Variants in ADGRL2 observed in about 807,000 individuals in gnomAD.
ADGRL2 encodes the protein calcium-independent alpha-latrotoxin receptor 2.
Under a neutral mutation model 157.4 loss-of-function variants are expected in ADGRL2, and 44 were observed. The ratio of observed to expected loss-of-function variants is 0.28; its 90% CI spans 0.22 to 0.36. The LOEUF (loss-of-function observed/expected upper bound fraction) is 0.36. ADGRL2 is among the 10% of genes least tolerant of loss of function. ADGRL2 has a pLI of 1.00. For synonymous variants in ADGRL2, 585 were observed against 624.7 expected (o/e 0.94, Z 0.95); for missense variants, 1,510 against 1,768.9 (o/e 0.85, Z 2.63).
chr1:81,687,873 G>C (rs370749728), intron 3 of ADGRL2, among the ~76,000 whole-genome samples: 5 of 152,090 alleles, frequency 3.3e-5, no homozygotes, highest in African/African-American at 1.2e-4. Context: ...TGGTAATGGC[G>C]AATTCTCTCA....
rs181827209 is a variant in ADGRL2, at chr1:81,840,448, C to T, written c.73+3391C>T. ...TTACATCGGTACATAATGAGACATA[C>T]ATTTCCAAATTCATAAGGACTTACT... On this transcript the variant is annotated intron_variant, in intron 2 of 23. Transcript: ENST00000686636. Among the ~76,000 whole-genome samples the T allele has an allele frequency of 1.6e-3, 241 of 152,108 alleles. 2 individuals carry two copies. The highest frequency in any genetic ancestry group is 2.4e-3 in the Non-Finnish European group (163 of 68,002).
At chr1:81,581,874 GCACACACACA>G (rs869309464) in intron 3 of ADGRL2, among the ~76,000 whole-genome samples, 80 of 83,556 alleles carry the variant, frequency 9.6e-4, no homozygotes, top group African/African-American at 1.5e-3. Flanking sequence ...ACACATGCGC[GCACACACACA>G]CACACACACA....
At chr1:81,960,653 T>C (rs1655053628) in intron 11 of ADGRL2, among the ~76,000 whole-genome samples, 1 of 152,056 alleles carries the variant, frequency 6.6e-6, no homozygotes. Context: ...TTTTGTATTT[T>C]TAGTAGAGAC....
chr1:81,394,288 T>C (rs529228842), intron 1 of ADGRL2, among the ~76,000 whole-genome samples: 104 of 152,282 alleles, frequency 6.8e-4, no homozygotes, highest in Non-Finnish European at 1.3e-3. Context: ...TATATGGTAC[T>C]ATAGAACACT....
chr1:81,891,982 G>GTGTA (rs926139405), intron 2 of ADGRL2, among the ~76,000 whole-genome samples: 6 of 150,476 alleles, frequency 4.0e-5, no homozygotes, highest in African/African-American at 1.2e-4. Context: ...GTGTGTGTGT[G>GTGTA]TATGTGTGTG....
chr1:81,583,325 C>A (rs2080955858), intron 3 of ADGRL2, among the ~76,000 whole-genome samples: 1 of 151,980 alleles, frequency 6.6e-6, no homozygotes, highest in Non-Finnish European at 1.5e-5. Context: ...GGTGGTAGTT[C>A]ATTTAATATA....
intron 6 of ADGRL2, among the ~76,000 whole-genome samples, chr1:81,944,915 T>C (rs1355468241): frequency 6.6e-6 from 1 of 152,058 alleles, no homozygotes; most frequent in Non-Finnish European, 1.5e-5. Flanking sequence ...TCACAGCTCT[T>C]TGTCATGGAA....
intron 2 of ADGRL2, among the ~76,000 whole-genome samples, chr1:81,867,365 CG>C (rs2093571006): frequency 6.6e-6 from 1 of 152,160 alleles, no homozygotes; most frequent in Non-Finnish European, 1.5e-5. Flanking sequence ...TCTATAAAAA[CG>C]AACCAAACTT....
chr1:81,445,530 G>A (rs1015951838), intron 2 of ADGRL2, among the ~76,000 whole-genome samples: 1 of 152,182 alleles, frequency 6.6e-6, no homozygotes, highest in Admixed American at 6.5e-5. Context: ...CTGTGGTGGT[G>A]TTAGATGAGG....
At chr1:81,623,698 G>A (rs751132674) in intron 3 of ADGRL2, among the ~76,000 whole-genome samples, 4 of 148,306 alleles carry the variant, frequency 2.7e-5, no homozygotes, top group African/African-American at 7.5e-5. Flanking sequence ...GTGCAGTGGC[G>A]TGATCTCGGC....
At chr1:81,446,970 G>A (rs1003997561) in intron 2 of ADGRL2, among the ~76,000 whole-genome samples, 1 of 152,060 alleles carries the variant, frequency 6.6e-6, no homozygotes, top group East Asian at 1.9e-4. Context: ...TATCTGCTGA[G>A]CTACTTAAAA....
chr1:81,646,280 G>C (rs1023334927), intron 3 of ADGRL2, among the ~76,000 whole-genome samples: 3 of 152,148 alleles, frequency 2.0e-5, no homozygotes, highest in South Asian at 2.1e-4. Context: ...CAGAATAAGA[G>C]AGTGTACCAG....
intron 3 of ADGRL2, among the ~76,000 whole-genome samples, chr1:81,633,447 T>C (rs1280121385): frequency 2.0e-5 from 3 of 151,284 alleles, no homozygotes; most frequent in Admixed American, 6.6e-5. Context: ...AATAAAAAAA[T>C]CAGCCAGGCA....
At chr1:81,639,443 C>T (rs2148794856) in intron 3 of ADGRL2, among the ~76,000 whole-genome samples, 1 of 148,928 alleles carries the variant, frequency 6.7e-6, no homozygotes, top group Non-Finnish European at 1.5e-5. Flanking sequence ...GTGGCTCATG[C>T]CCATAATCCT....
chr1:81,306,407 T>C (rs1414386704), exon 1 of ADGRL2: 2 of 152,130 alleles, frequency 1.3e-5, no homozygotes, highest in African/African-American at 4.8e-5. Flanking sequence ...CTGCTGTATG[T>C]ATACAGTGAC....
intron 2 of ADGRL2, among the ~76,000 whole-genome samples, chr1:81,851,870 G>A (rs561284298): frequency 2.6e-5 from 4 of 151,774 alleles, no homozygotes; most frequent in African/African-American, 9.6e-5. Flanking sequence ...AAAAGAAGTA[G>A]TAAATTCTAT....
intron 1 of ADGRL2, among the ~76,000 whole-genome samples, chr1:81,826,593 A>G (rs530664188): frequency 6.6e-6 from 1 of 152,354 alleles, no homozygotes; most frequent in African/African-American, 2.4e-5. Flanking sequence ...GTATGTGTGT[A>G]TGGTTGGCCC....
intron 1 of ADGRL2, among the ~76,000 whole-genome samples, chr1:81,310,849 G>GA (rs34131503): frequency 0.16 from 21,051 of 127,920 alleles, 1,876 homozygotes; most frequent in Admixed American, 0.25. Flanking sequence ...CTCCTTGAAA[G>GA]AAAAAAAAAA....
At chr1:81,859,856 A>G (rs1443075527) in intron 2 of ADGRL2, among the ~76,000 whole-genome samples, 1 of 152,316 alleles carries the variant, frequency 6.6e-6, no homozygotes, top group East Asian at 1.9e-4. Context: ...ATTGGAAAGA[A>G]CATTAAAAAT....
Sources: gnomAD v4.1 joint callset for allele counts (sites outside exome capture counted in the v4.1 genomes callset) on GRCh38, gnomAD v4.1.1 for gene constraint, MANE v1.5 for transcripts, NCBI Gene and HGNC (gene_info 2026-07-23, HGNC 2026-07-21) for gene names.